The following NAV2 variants were observed in gnomAD, a reference collection of about 807,000 sequenced individuals.
NAV2 encodes the protein helicase, APC down-regulated 1.
Under a neutral mutation model 223.2 loss-of-function variants are expected in NAV2, and 54 were observed. The ratio of observed to expected loss-of-function variants is 0.24; its 90% CI spans 0.19 to 0.30. The LOEUF is 0.30. Among genes scored for constraint, NAV2 ranks in the 10% least tolerant of loss-of-function variants. The probability of loss-of-function intolerance (pLI) is 1.00; values close to 1 mark genes in which losing one functional copy is unlikely to be tolerated. For synonymous variants in NAV2, 1,279 were observed against 1,239.3 expected (o/e 1.03, Z -0.67); for missense variants, 2,806 against 3,147.5 (o/e 0.89, Z 2.60).
At chr11:19,549,601 G>A (rs1590486334) in intron 1 of NAV2, among the ~76,000 whole-genome samples, 1 of 152,242 alleles carries the variant, frequency 6.6e-6, no homozygotes, top group South Asian at 2.1e-4. Flanking sequence ...GCTAATGGGA[G>A]CCAGGCTAAG....
intron 1 of NAV2, among the ~76,000 whole-genome samples, chr11:19,759,739 C>A (rs986009906): frequency 2.0e-5 from 3 of 151,826 alleles, no homozygotes; most frequent in African/African-American, 7.3e-5. Flanking sequence ...ATAATGATAT[C>A]CACCTCATGG....
At chr11:20,041,048 C>T (rs145185648) in intron 12 of NAV2, among the ~76,000 whole-genome samples, 28 of 152,242 alleles carry the variant, frequency 1.8e-4, no homozygotes, top group African/African-American at 6.0e-4. Flanking sequence ...CTGTCTCTGC[C>T]ACTGATGGAA....
At chr11:19,879,612 T>C (rs574776575) in intron 4 of NAV2, among the ~76,000 whole-genome samples, 1 of 152,116 alleles carries the variant, frequency 6.6e-6, no homozygotes, top group Non-Finnish European at 1.5e-5. Flanking sequence ...TTCATTGGTG[T>C]CCTTACTGAG....
At chr11:19,814,690 C>G (rs546189107) in intron 1 of NAV2, among the ~76,000 whole-genome samples, 29 of 152,164 alleles carry the variant, frequency 1.9e-4, no homozygotes, top group Admixed American at 4.6e-4. Context: ...GTCTTGAACT[C>G]CTGAGCTTAA....
intron 6 of NAV2, among the ~76,000 whole-genome samples, chr11:19,917,435 A>G (rs945030874): frequency 2.0e-5 from 3 of 152,096 alleles, no homozygotes; most frequent in Non-Finnish European, 4.4e-5. Context: ...CTGTTCTCCT[A>G]GGGCCTGAGT....
intron 1 of NAV2, among the ~76,000 whole-genome samples, chr11:19,355,498 T>C (rs1389704907): frequency 6.6e-6 from 1 of 152,038 alleles, no homozygotes; most frequent in African/African-American, 2.4e-5. Context: ...CCCATCAACC[T>C]CTTGTCTTCA....
chr11:20,037,069 C>G (rs941792133), intron 12 of NAV2, among the ~76,000 whole-genome samples: 1 of 152,166 alleles, frequency 6.6e-6, no homozygotes, highest in African/African-American at 2.4e-5. Context: ...GACTGACCAG[C>G]ACCAGAACTG....
chr11:19,607,504 T>C (rs1315701093), intron 1 of NAV2, among the ~76,000 whole-genome samples: 1 of 152,204 alleles, frequency 6.6e-6, no homozygotes, highest in Non-Finnish European at 1.5e-5. Flanking sequence ...TACTTAAATG[T>C]TGTCTGACTG....
chr11:19,961,333 A>G (rs552332949), intron 10 of NAV2, among the ~76,000 whole-genome samples: 3 of 152,322 alleles, frequency 2.0e-5, no homozygotes, highest in Admixed American at 1.3e-4. Flanking sequence ...GCAGCTACAG[A>G]GTGGCTCAAC....
chr11:19,976,866 T>C (rs1238819265), intron 10 of NAV2, among the ~76,000 whole-genome samples: 2 of 152,226 alleles, frequency 1.3e-5, no homozygotes, highest in Non-Finnish European at 2.9e-5. Flanking sequence ...TCCTATGCTC[T>C]GAACCAAGGT....
At chr11:20,034,029 C>T (rs996806184) in intron 11 of NAV2, among the ~76,000 whole-genome samples, 2 of 152,186 alleles carry the variant, frequency 1.3e-5, no homozygotes, top group African/African-American at 4.8e-5. Flanking sequence ...CCAAGCCTGG[C>T]GTCCTCCTGA....
chr11:19,926,640 A>T (rs2044771665), intron 6 of NAV2, among the ~76,000 whole-genome samples: 1 of 100,074 alleles, frequency 1.0e-5, no homozygotes, highest in Non-Finnish European at 2.3e-5. Context: ...ATACACTTAA[A>T]GAAAAAAAAA....
intron 11 of NAV2, among the ~76,000 whole-genome samples, chr11:19,988,175 A>C (rs1234757860): frequency 1.3e-5 from 2 of 152,140 alleles, no homozygotes; most frequent in African/African-American, 4.8e-5. Context: ...CATCCTCCTC[A>C]TCCTTTTCTT....
chr11:20,050,448 T>C (rs2057871453), intron 16 of NAV2, among the ~76,000 whole-genome samples: 2 of 152,062 alleles, frequency 1.3e-5, no homozygotes, highest in South Asian at 4.1e-4. Flanking sequence ...ATTAAGACTT[T>C]ACAAATGTAC....
intron 1 of NAV2, among the ~76,000 whole-genome samples, chr11:19,401,591 C>T (rs551366828): frequency 3.7e-4 from 57 of 152,164 alleles, no homozygotes; most frequent in Non-Finnish European, 6.3e-4. Flanking sequence ...GAGGAATGAT[C>T]GCAAATCAAA....
At chr11:19,416,643 A>G (rs1365066340) in intron 1 of NAV2, among the ~76,000 whole-genome samples, 1 of 152,224 alleles carries the variant, frequency 6.6e-6, no homozygotes, top group African/African-American at 2.4e-5. Flanking sequence ...AGCCAAGACA[A>G]TCCTAAGCAA....
chr11:19,684,038 T>C (rs2048949390), intron 1 of NAV2, among the ~76,000 whole-genome samples: 1 of 152,114 alleles, frequency 6.6e-6, no homozygotes. Context: ...CCATGTACAC[T>C]CCCCCAATTG....
intron 22 of NAV2, among the ~76,000 whole-genome samples, chr11:20,071,844 G>A (rs2059426317): frequency 6.6e-6 from 1 of 152,124 alleles, no homozygotes; most frequent in Admixed American, 6.5e-5. Context: ...CTGGATATTA[G>A]CCCTTTGTCA....
intron 1 of NAV2, among the ~76,000 whole-genome samples, chr11:19,775,760 C>A (rs1325863605): frequency 6.6e-6 from 1 of 152,090 alleles, no homozygotes; most frequent in Non-Finnish European, 1.5e-5. Context: ...ATGGGCAAGT[C>A]TAGGGGGAAA....
Sources: gnomAD v4.1 joint callset for allele counts (sites outside exome capture counted in the v4.1 genomes callset) on GRCh38, gnomAD v4.1.1 for gene constraint, MANE v1.5 for transcripts, NCBI Gene and HGNC (gene_info 2026-07-23, HGNC 2026-07-21) for gene names.